Variants in TRAF3IP1 observed in about 807,000 individuals in gnomAD.
TRAF3IP1 encodes the protein intraflagellar transport 54.
TRAF3IP1 carries 53 observed loss-of-function variants against 89.9 expected under a neutral mutation model. The observed-to-expected ratio is 0.59, with a 90% CI of 0.47 to 0.74. The LOEUF is 0.74. TRAF3IP1 is among the 30% of genes least tolerant of loss of function. TRAF3IP1 has a pLI of 0.00. For missense variants in TRAF3IP1, 806 were observed against 866.1 expected (o/e 0.93, Z 0.87); for synonymous variants, 311 against 322.1 (o/e 0.97, Z 0.37).
intron 15 of TRAF3IP1, among the ~76,000 whole-genome samples, chr2:238,362,988 C>G (rs888676403): frequency 6.6e-6 from 1 of 152,212 alleles, no homozygotes; most frequent in Non-Finnish European, 1.5e-5. Flanking sequence ...TCATGTCTTA[C>G]AGTCATGGCA....
rs1488523808 is a variant in TRAF3IP1, at chr2:238,347,210, G to A, written c.1262-245G>A. The A allele has an allele frequency of 5.9e-6, 3 of 506,154 alleles. No individual in the cohort carries two copies. The Admixed American group carries it at 1.1e-4, about 18-fold the overall frequency. The allele number at this position is 506,154 out of a possible 1,614,324, so 31.4% of individuals were successfully genotyped here. The stretch of plus-strand genomic sequence containing the variant: ...CGATGTGCTTTCTCCACATCCCTGT[G>A]TCCTGTTTCTATTTAGTACCATTTT... On this transcript the variant is annotated intron_variant, in intron 9 of 16. Coordinates refer to ENST00000373327, the MANE Select transcript of TRAF3IP1 (RefSeq NM_015650.4).
At chr2:238,366,486 T>C (rs1034385325) in intron 15 of TRAF3IP1, among the ~76,000 whole-genome samples, 46 of 152,188 alleles carry the variant, frequency 3.0e-4, no homozygotes, top group African/African-American at 1.0e-3. Flanking sequence ...GAAAACTGTA[T>C]TATAAAAATG....
intron 1 of TRAF3IP1, among the ~76,000 whole-genome samples, chr2:238,322,184 G>A (rs1343200635): frequency 2.6e-5 from 4 of 152,240 alleles, no homozygotes; most frequent in Non-Finnish European, 5.9e-5. Flanking sequence ...TGACCCAGAG[G>A]GAACAAGAGC....
chr2:238,327,202 G>A (rs1333783136), intron 3 of TRAF3IP1, among the ~76,000 whole-genome samples: 1 of 152,210 alleles, frequency 6.6e-6, no homozygotes, highest in Non-Finnish European at 1.5e-5. Flanking sequence ...CCTGGTGCCT[G>A]CTGGCTTCTT....
chr2:238,352,871 A>G lies in TRAF3IP1; in HGVS notation c.1496A>G (p.His499Arg). Reference protein sequence around the residue: ...KTVSNVITESHNSDNEEDDQF... With the variant: ...KTVSNVITESRNSDNEEDDQF... Reference sequence around the variant, plus strand: ...GTTTCAAATGTGATTACAGAGTCACACAATTCTGACAATGAAGAGGATGAT... The same window carrying G: ...GTTTCAAATGTGATTACAGAGTCACGCAATTCTGACAATGAAGAGGATGAT... The change falls in exon 13 of 17, where the codon CAC becomes CGC. Residue 499 changes from histidine (H) to arginine (R), a missense_variant. His to Arg is a conservative substitution (Grantham distance 29). Coordinates refer to ENST00000373327, the MANE Select transcript of TRAF3IP1 (RefSeq NM_015650.4). The G allele has an allele frequency of 6.2e-7, 1 of 1,613,750 alleles. No homozygotes were observed. The highest frequency in any genetic ancestry group is 1.1e-5 in the South Asian group (1 of 90,940).
At chr2:238,348,416 C>T (rs1574922244) in intron 10 of TRAF3IP1, among the ~76,000 whole-genome samples, 1 of 152,162 alleles carries the variant, frequency 6.6e-6, no homozygotes, top group Non-Finnish European at 1.5e-5. Flanking sequence ...TTACCAGTGA[C>T]GATGGGTGAA....
At position 238,329,123 on chromosome 2, in the gene TRAF3IP1, AGACAGAGGCAACAGGGAGCGG is replaced by A; in HGVS notation, c.704_724del (p.Gly235_Arg241del). 1 of 1,551,258 alleles carries A rather than the reference AGACAGAGGCAACAGGGAGCGG, an allele frequency of 6.4e-7. No homozygotes were observed. Among genetic ancestry groups the A allele is most frequent in the Non-Finnish European group, 8.7e-7 (1 of 1,147,344 alleles). Reference sequence around the variant, plus strand: ...CCAGGCCAGACAACGAGCGACAGAAAGACAGAGGCAACAGGGAGCGGGACAGAGACTCCGAGCGCAAGAAGG... The same window carrying A: ...CCAGGCCAGACAACGAGCGACAGAAAGACAGAGACTCCGAGCGCAAGAAGG... On this transcript the variant is annotated inframe_deletion, in exon 5 of 17. Transcript: ENST00000373327.
intron 10 of TRAF3IP1, among the ~76,000 whole-genome samples, 195 bp from the exon 11 acceptor site, chr2:238,348,569 C>G (rs1344977): frequency 3.3e-5 from 5 of 152,048 alleles, no homozygotes; most frequent in African/African-American, 1.2e-4. Context: ...TTTCCCAAAT[C>G]TTCACTGAGT....
At chr2:238,373,885 C>T (rs1347024046) in intron 15 of TRAF3IP1, among the ~76,000 whole-genome samples, 1 of 152,144 alleles carries the variant, frequency 6.6e-6, no homozygotes, top group Non-Finnish European at 1.5e-5. Flanking sequence ...ATTTTATTCT[C>T]TTTGTAGCAA....
chr2:238,325,456 T>C (rs918744314), intron 2 of TRAF3IP1, 82 bp downstream of exon 2: 13 of 1,391,026 alleles, frequency 9.3e-6, no homozygotes, highest in East Asian at 9.1e-5. Flanking sequence ...GTGGCTTGTG[T>C]CATTTCTCTG....
At chr2:238,323,081 A>ATTTTTTTTTTTTTT (rs35469985) in intron 1 of TRAF3IP1, among the ~76,000 whole-genome samples, 1 of 147,606 alleles carries the variant, frequency 6.8e-6, no homozygotes, top group Non-Finnish European at 1.5e-5. Context: ...ATTGTTCACA[A>ATTTTTTTTTTTTTT]TTTTTTTTTT....
rs183269739 is a variant in TRAF3IP1, at chr2:238,392,171, G to A, written c.1690-5288G>A. 5.6e-4 allele frequency among the ~76,000 whole-genome samples: 85 copies of A among 152,220 alleles called. 1 individual carries two copies. Among genetic ancestry groups the A allele is most frequent in the East Asian group, 3.5e-3 (18 of 5,180 alleles). ...GAATCGCTTGAGCCCAGGAGTTTGCGTTCAGCCTGGGCAACACAGTGAAAC... is the reference window on the plus strand; with the variant it reads ...GAATCGCTTGAGCCCAGGAGTTTGCATTCAGCCTGGGCAACACAGTGAAAC... On this transcript the variant is annotated intron_variant, in intron 15 of 16. Transcript: ENST00000373327.
intron 15 of TRAF3IP1, among the ~76,000 whole-genome samples, chr2:238,390,670 A>G (rs1397423775): frequency 6.6e-6 from 1 of 152,162 alleles, no homozygotes; most frequent in Non-Finnish European, 1.5e-5. Flanking sequence ...GTTAACATCT[A>G]CTTGAGGGTT....
intron 15 of TRAF3IP1, among the ~76,000 whole-genome samples, chr2:238,359,908 A>T (rs1699587054): frequency 6.6e-6 from 1 of 152,198 alleles, no homozygotes; most frequent in Non-Finnish European, 1.5e-5. Flanking sequence ...ACTGATATTA[A>T]ACAGAACAAT....
In TRAF3IP1 at chr2:238,332,818, T is replaced by A. The variant is rs552570158; in HGVS notation, c.916-6T>A. The A allele has an allele frequency of 1.9e-6, 3 of 1,595,930 alleles. No individual in the cohort carries two copies. Among genetic ancestry groups the A allele is most frequent in the African/African-American group, 1.4e-5 (1 of 73,940 alleles). On this transcript the variant is annotated splice_polypyrimidine_tract_variant and splice_region_variant and intron_variant, in intron 5 of 16. Coordinates refer to ENST00000373327, the MANE Select transcript of TRAF3IP1 (RefSeq NM_015650.4). The stretch of plus-strand genomic sequence containing the variant: ...CTAAAGTTTGAATTTTTTTTTTTTT[T>A]AATAGTCAGCAAGCTCAGGGGAGAT...
intron 7 of TRAF3IP1, among the ~76,000 whole-genome samples, chr2:238,335,882 C>T (rs1243171570): frequency 1.3e-5 from 2 of 151,932 alleles, no homozygotes; most frequent in Non-Finnish European, 2.9e-5. Flanking sequence ...TCACTGCAAC[C>T]TCACTGCAAG....
chr2:238,376,187 C>T (rs1700308356), intron 15 of TRAF3IP1, among the ~76,000 whole-genome samples: 1 of 152,150 alleles, frequency 6.6e-6, no homozygotes, highest in Non-Finnish European at 1.5e-5. Context: ...TCCAATAGGG[C>T]TTTATTTATT....
intron 12 of TRAF3IP1, 80 bp downstream of exon 12, chr2:238,349,488 G>C (rs1699049896): frequency 7.1e-7 from 1 of 1,403,772 alleles, no homozygotes; most frequent in Non-Finnish European, 9.9e-7. Context: ...AGAGAAGGGG[G>C]AGGGAAGCAG....
chr2:238,324,924 C>T (rs1697745247), intron 1 of TRAF3IP1, among the ~76,000 whole-genome samples: 1 of 152,128 alleles, frequency 6.6e-6, no homozygotes, highest in African/African-American at 2.4e-5. Context: ...TTATGTTTGG[C>T]ATGTGCATCC....
Sources: gnomAD v4.1 joint callset for allele counts (sites outside exome capture counted in the v4.1 genomes callset) on GRCh38, gnomAD v4.1.1 for gene constraint, MANE v1.5 for transcripts, NCBI Gene and HGNC (gene_info 2026-07-23, HGNC 2026-07-21) for gene names.